ROBO2: variants seen among roughly 807,000 people sequenced by gnomAD.
The protein encoded by ROBO2 is roundabout guidance receptor 2.
ROBO2 carries 53 observed loss-of-function variants against 160.8 expected under a neutral mutation model. The observed-to-expected ratio is 0.33, with a 90% CI of 0.26 to 0.41. ROBO2 has a LOEUF of 0.41. Ranked by LOEUF, ROBO2 falls within the 10% of genes least tolerant of loss-of-function variation. ROBO2 has a pLI of 1.00. For missense variants in ROBO2, 1,577 were observed against 1,722.4 expected (o/e 0.92, Z 1.49); for synonymous variants, 664 against 611.7 (o/e 1.09, Z -1.26).
chr3:76,996,687 A>G (rs2149397777), intron 2 of ROBO2, among the ~76,000 whole-genome samples: 1 of 152,258 alleles, frequency 6.6e-6, no homozygotes, highest in Admixed American at 6.5e-5. Context: ...TTTAATGTCC[A>G]GTACATTCTT....
chr3:76,057,126 T>G (rs1467048055), intron 2 of ROBO2, among the ~76,000 whole-genome samples: 1 of 152,226 alleles, frequency 6.6e-6, no homozygotes, highest in Non-Finnish European at 1.5e-5. Context: ...TGTAATATTT[T>G]AACTTACTGT....
At chr3:77,369,682 C>T (rs1397251111) in intron 2 of ROBO2, among the ~76,000 whole-genome samples, 1 of 152,068 alleles carries the variant, frequency 6.6e-6, no homozygotes, top group South Asian at 2.1e-4. Context: ...ATGTTGATTC[C>T]CTGCAAGAGG....
chr3:76,012,204 T>C (rs984104683), intron 2 of ROBO2, among the ~76,000 whole-genome samples: 16 of 152,314 alleles, frequency 1.1e-4, no homozygotes, highest in African/African-American at 3.8e-4. Flanking sequence ...TTATATGTAA[T>C]GAATTATTTG....
At chr3:77,646,062 A>T in exon 26 of ROBO2, 1 of 1,593,288 alleles carries the variant, frequency 6.3e-7, no homozygotes, top group East Asian at 2.2e-5. Flanking sequence ...AGAGTAAATG[A>T]GAGGAGACAT....
At chr3:77,306,888 G>A (rs928648644) in intron 2 of ROBO2, among the ~76,000 whole-genome samples, 1 of 151,906 alleles carries the variant, frequency 6.6e-6, no homozygotes, top group Non-Finnish European at 1.5e-5. Flanking sequence ...ATAGTGTTTC[G>A]CTTCCTTTAG....
chr3:77,621,376 T>C (rs1044223253), intron 22 of ROBO2, among the ~76,000 whole-genome samples: 39 of 152,190 alleles, frequency 2.6e-4, no homozygotes, highest in African/African-American at 8.7e-4. Flanking sequence ...TAGTGAGCCA[T>C]GATCGCATCA....
intron 2 of ROBO2, among the ~76,000 whole-genome samples, chr3:76,418,682 CTTT>C (rs35804382): frequency 7.2e-6 from 1 of 137,988 alleles, no homozygotes; most frequent in South Asian, 2.3e-4. Flanking sequence ...TTCAACCTGC[CTTT>C]TTTTTTTTTT....
rs544977829 is a variant in ROBO2 at position 76,621,438 on chromosome 3, A to C, written c.110-476576A>C. Reference sequence around the variant, plus strand: ...AATCTCTGCAAATACCACATCTTAAAAGGCTGGTAAAGCCAAGAATGGTGA... The same window carrying C: ...AATCTCTGCAAATACCACATCTTAACAGGCTGGTAAAGCCAAGAATGGTGA... On this transcript the variant is annotated intron_variant, in intron 2 of 26. Coordinates refer to the ROBO2 transcript ENST00000487694. Among the ~76,000 whole-genome samples the C allele has an allele frequency of 4.6e-5, 7 of 152,328 alleles. No individual in the cohort carries two copies. In the East Asian group the frequency reaches 1.4e-3, roughly 29 times the overall value.
At chr3:76,571,161 T>C (rs183314107) in intron 2 of ROBO2, among the ~76,000 whole-genome samples, 24 of 152,248 alleles carry the variant, frequency 1.6e-4, no homozygotes, top group East Asian at 1.3e-3. Context: ...TGCAGTATTA[T>C]TGAAAAGAAA....
chr3:77,365,248 T>C (rs1017805636), intron 2 of ROBO2, among the ~76,000 whole-genome samples: 1 of 152,118 alleles, frequency 6.6e-6, no homozygotes, highest in African/African-American at 2.4e-5. Context: ...GTTTTCATCC[T>C]GATGCTAATG....
intron 2 of ROBO2, among the ~76,000 whole-genome samples, chr3:76,059,406 A>G (rs200294070): frequency 0.021 from 3,186 of 152,174 alleles, 44 homozygotes; most frequent in East Asian, 0.081. Context: ...ACCAGTGATG[A>G]TGAGCATTTT....
At chr3:77,444,812 AGGG>A (rs2080299877) in intron 2 of ROBO2, among the ~76,000 whole-genome samples, 1 of 152,208 alleles carries the variant, frequency 6.6e-6, no homozygotes, top group African/African-American at 2.4e-5. Flanking sequence ...AGAAAAGGGC[AGGG>A]ATTTCATATT....
At chr3:76,333,289 A>G (rs1164994958) in intron 2 of ROBO2, among the ~76,000 whole-genome samples, 1 of 152,178 alleles carries the variant, frequency 6.6e-6, no homozygotes, top group Non-Finnish European at 1.5e-5. Context: ...TGCCTAAGAC[A>G]GTGTCCAGTA....
At chr3:76,585,439 A>G (rs1274408601) in intron 2 of ROBO2, among the ~76,000 whole-genome samples, 1 of 152,190 alleles carries the variant, frequency 6.6e-6, no homozygotes, top group Non-Finnish European at 1.5e-5. Context: ...TTAGCCAGAA[A>G]CAGAATCACC....
At chr3:76,871,271 C>G (rs1253022818) in intron 2 of ROBO2, among the ~76,000 whole-genome samples, 1 of 152,128 alleles carries the variant, frequency 6.6e-6, no homozygotes, top group Non-Finnish European at 1.5e-5. Context: ...AAAAATACCT[C>G]TGGCCGGGCG....
intron 2 of ROBO2, among the ~76,000 whole-genome samples, chr3:76,877,434 A>G (rs1040004581): frequency 6.6e-6 from 1 of 152,204 alleles, no homozygotes; most frequent in Non-Finnish European, 1.5e-5. Flanking sequence ...GAGGATAAAA[A>G]CAAATGTTTT....
intron 2 of ROBO2, among the ~76,000 whole-genome samples, chr3:76,243,450 C>A (rs571659297): frequency 6.6e-6 from 1 of 152,332 alleles, no homozygotes; most frequent in African/African-American, 2.4e-5. Flanking sequence ...ACACATCTCT[C>A]ATTATCACTT....
intron 2 of ROBO2, among the ~76,000 whole-genome samples, chr3:77,280,624 A>C (rs1280105079): frequency 6.6e-6 from 1 of 152,202 alleles, no homozygotes; most frequent in Admixed American, 6.5e-5. Context: ...ATAACACGAC[A>C]CTAGAAAATA....
chr3:77,384,874 T>C (rs2073936202), intron 2 of ROBO2, among the ~76,000 whole-genome samples: 1 of 152,208 alleles, frequency 6.6e-6, no homozygotes, highest in South Asian at 2.1e-4. Flanking sequence ...CCCCCATTGT[T>C]ACCTCTAAAA....
Sources: allele counts gnomAD v4.1 joint callset (sites outside exome capture counted in the v4.1 genomes callset), GRCh38; gene constraint gnomAD v4.1.1; transcripts MANE v1.5; gene names NCBI Gene and HGNC (gene_info 2026-07-23, HGNC 2026-07-21).